Variants in XDH observed in about 807,000 individuals in gnomAD.
The protein encoded by XDH is xanthine dehydrogenase/oxidase.
Under a neutral mutation model 156.1 loss-of-function variants are expected in XDH, and 138 were observed. The observed-to-expected ratio is 0.88, with a 90% CI of 0.77 to 1.02. The LOEUF (loss-of-function observed/expected upper bound fraction) is 1.02. Ranked by LOEUF, XDH falls within the 50% of genes least tolerant of loss-of-function variation. The probability of loss-of-function intolerance (pLI) is 0.00; values close to 1 mark genes in which losing one functional copy is unlikely to be tolerated. For synonymous variants in XDH, 669 were observed against 625.7 expected (o/e 1.07, Z -1.03); for missense variants, 1,849 against 1,684.9 (o/e 1.10, Z -1.71).
chr2:31,337,786 G>T lies in XDH; in HGVS notation c.3806C>A (p.Ala1269Asp). The change falls in exon 35 of 36, where the codon GCT becomes GAT. Residue 1269 changes from alanine (A) to aspartate (D), a missense_variant. Transcript: ENST00000379416. ...AVGEPPLFLA[A>D]SIFFAIKDAI... The stretch of plus-strand genomic sequence containing the variant: ...ATCTTTGATGGCAAAGAAGATAGAA[G>T]CAGCCAGGAAGAGGGGCGGCTCTCC... 3 of 1,614,200 alleles carry T rather than the reference G, an allele frequency of 1.9e-6. No individual in the cohort carries two copies. The highest frequency in any genetic ancestry group is 2.2e-5 in the East Asian group (1 of 44,880).
rs114323079 is a variant in XDH at position 31,352,044 on chromosome 2, T to C, written c.2632-1821A>G. Among the ~76,000 whole-genome samples, 1,425 of 152,290 alleles carry C rather than the reference T, an allele frequency of 9.4e-3. 22 individuals are homozygous for C. The highest frequency in any genetic ancestry group is 0.033 in the African/African-American group (1,368 of 41,580). On this transcript the variant is annotated intron_variant, in intron 24 of 35. Transcript: ENST00000379416. Reference sequence around the variant, plus strand: ...TCCCAAAGTGTATGCCCATCAGTTTTGGAAAATTTTTTGAATTATTGATAG... The same window carrying C: ...TCCCAAAGTGTATGCCCATCAGTTTCGGAAAATTTTTTGAATTATTGATAG...
Position 31,381,657 on chromosome 2 carries a change from C to T in XDH, c.1108G>A (p.Ala370Thr), listed in dbSNP as rs1170922685. ...DLNPVFMASG[A>T]KLTLVSRGTR... is the part of the protein sequence containing the mutation. ...CCTCTGGACACAAGTGTCAGCTTGG[C>T]CCCACTGGCCATGAACACGGGGTTG... The change falls in exon 12 of 36, where the codon GCC becomes ACC. Residue 370 changes from alanine (A) to threonine (T), a missense_variant. Transcript: ENST00000379416. 3.7e-6 allele frequency: 6 copies of T among 1,613,992 alleles called. No individual in the cohort carries two copies. The highest frequency in any genetic ancestry group is 3.3e-5 in the Admixed American group (2 of 60,002).
intron 5 of XDH, among the ~76,000 whole-genome samples, chr2:31,398,163 A>G (rs962194963): frequency 2.6e-5 from 4 of 152,218 alleles, no homozygotes; most frequent in Admixed American, 6.5e-5. Context: ...TCTCTATTCA[A>G]TTCAGAGAAG....
chr2:31,358,613 A>C (rs1254697798), intron 24 of XDH, among the ~76,000 whole-genome samples: 4 of 152,176 alleles, frequency 2.6e-5, no homozygotes, highest in Non-Finnish European at 4.4e-5. Context: ...TAAAAAAATC[A>C]ATGAATACAA....
intron 30 of XDH, among the ~76,000 whole-genome samples, chr2:31,345,677 G>T (rs138211195): frequency 1.3e-5 from 2 of 152,130 alleles, no homozygotes; most frequent in Non-Finnish European, 1.5e-5. Flanking sequence ...CATAATGTGC[G>T]TGTGCATGTG....
chr2:31,380,787 C>A (rs1021746641), intron 12 of XDH, among the ~76,000 whole-genome samples: 2 of 152,116 alleles, frequency 1.3e-5, no homozygotes, highest in African/African-American at 4.8e-5. Context: ...ATATCAGAGC[C>A]GGGGTGGTCT....
chr2:31,366,478 T>C (rs1272026846), intron 21 of XDH, among the ~76,000 whole-genome samples: 1 of 152,216 alleles, frequency 6.6e-6, no homozygotes, highest in Non-Finnish European at 1.5e-5. Context: ...GATAATTTAG[T>C]GGTCCCTGTG....
At chr2:31,391,816 C>T (rs1686771919) in intron 6 of XDH, among the ~76,000 whole-genome samples, 1 of 152,178 alleles carries the variant, frequency 6.6e-6, no homozygotes, top group Non-Finnish European at 1.5e-5. Flanking sequence ...ATTGCTGTTA[C>T]ATATGAAAGT....
Position 31,387,827 on chromosome 2 carries a change from A to G in XDH, c.635T>C (p.Phe212Ser), listed in dbSNP as rs1351096563. 18 of 1,584,484 alleles carry G rather than the reference A, an allele frequency of 1.1e-5. No individual in the cohort carries two copies. The highest frequency in any genetic ancestry group is 1.4e-5 in the Non-Finnish European group (16 of 1,165,596). The change falls in exon 8 of 36, where the codon TTT becomes TCT. Residue 212 changes from phenylalanine to serine, a missense_variant. Transcript: ENST00000379416. ...ATCACCTACCAGCAACTCTGGGGGA[A>G]AAATGGGCTCCTGGGTTGGATCCAG... ...TPLDPTQEPI[F>S]PPELLRLKDT... is the part of the protein sequence containing the mutation.
chr2:31,391,902 T>C (rs1465761916), intron 6 of XDH, among the ~76,000 whole-genome samples: 1 of 152,230 alleles, frequency 6.6e-6, no homozygotes, highest in African/African-American at 2.4e-5. Context: ...CTTTTTTAAA[T>C]GTTTGATAGG....
At chr2:31,340,603 G>A (rs984589686) in intron 33 of XDH, among the ~76,000 whole-genome samples, 15 of 152,024 alleles carry the variant, frequency 9.9e-5, no homozygotes, top group African/African-American at 2.7e-4. Context: ...CTGAGTAGCT[G>A]GGATTACAGG....
chr2:31,379,695 C>T (rs371525724), intron 13 of XDH, among the ~76,000 whole-genome samples, 172 bp downstream of exon 13: 54 of 152,220 alleles, frequency 3.5e-4, no homozygotes, highest in African/African-American at 1.3e-3. Context: ...TTCTCATTGT[C>T]CAGAAAGGAG....
intron 1 of XDH, among the ~76,000 whole-genome samples, chr2:31,413,592 T>C (rs556374181): frequency 1.3e-5 from 2 of 152,236 alleles, no homozygotes; most frequent in Non-Finnish European, 2.9e-5. Context: ...AAGCACATTA[T>C]TGTTCTTGAA....
chr2:31,339,465 A>G, intron 34 of XDH, 24 bp downstream of exon 34: 2 of 1,613,414 alleles, frequency 1.2e-6, no homozygotes, highest in African/African-American at 1.3e-5. Flanking sequence ...CAGAAGAGAC[A>G]GCACAGAGCC....
intron 31 of XDH, among the ~76,000 whole-genome samples, chr2:31,343,575 CAGTGTAATATCTATA>C (rs1685200101): frequency 7.0e-6 from 1 of 142,210 alleles, no homozygotes; most frequent in African/African-American, 2.6e-5. Flanking sequence ...TATATATATT[CAGTGTAATATCTATA>C]CATATATTAG....
rs1269269899 is a variant in XDH, at chr2:31,379,987, G to A, written c.1133-11C>T. ...CAGTTCTCCTGGTGCCTGTACAGAA[G>A]CAAGATGAAGAGGAGCCAAAGTGAG... On this transcript the variant is annotated splice_polypyrimidine_tract_variant and intron_variant, in intron 12 of 35. Coordinates refer to ENST00000379416, the MANE Select transcript of XDH (RefSeq NM_000379.4). 1 of 1,613,322 alleles carries A rather than the reference G, an allele frequency of 6.2e-7. No homozygotes were observed. Among genetic ancestry groups the A allele is most frequent in the Non-Finnish European group, 8.5e-7 (1 of 1,179,730 alleles).
chr2:31,379,675 A>G (rs145418667), intron 13 of XDH, among the ~76,000 whole-genome samples, 192 bp downstream of exon 13: 1 of 152,292 alleles, frequency 6.6e-6, no homozygotes, highest in Non-Finnish European at 1.5e-5. Flanking sequence ...GTGGACTCCT[A>G]TCCTGCAACT....
Position 31,346,858 on chromosome 2 carries a change from C to T in XDH, c.3277-15G>A, listed in dbSNP as rs746596062. On this transcript the variant is annotated splice_polypyrimidine_tract_variant and intron_variant, in intron 29 of 35. Coordinates refer to ENST00000379416, the MANE Select transcript of XDH (RefSeq NM_000379.4). Reference sequence around the variant, plus strand: ...TGACAAGCCGCCTAAAGTAAACACCCCCCACACCCCAGACACATCAGTCCT... The same window carrying T: ...TGACAAGCCGCCTAAAGTAAACACCTCCCACACCCCAGACACATCAGTCCT... The T allele has an allele frequency of 3.4e-5, 55 of 1,613,772 alleles. No homozygotes were observed. The highest frequency in any genetic ancestry group is 4.0e-5 in the Non-Finnish European group (47 of 1,180,034).
intron 24 of XDH, among the ~76,000 whole-genome samples, chr2:31,351,047 T>C (rs1192581198): frequency 4.6e-5 from 7 of 152,224 alleles, no homozygotes; most frequent in Admixed American, 3.3e-4. Flanking sequence ...TTTTCAGTTT[T>C]AGACTTTTAG....
Sources: allele counts gnomAD v4.1 joint callset (sites outside exome capture counted in the v4.1 genomes callset), GRCh38; gene constraint gnomAD v4.1.1; transcripts MANE v1.5; gene names NCBI Gene and HGNC (gene_info 2026-07-23, HGNC 2026-07-21).